Variants in GNA14 observed in about 807,000 individuals in gnomAD.
GNA14 encodes guanine nucleotide-binding protein subunit alpha-14.
Under a neutral mutation model 42.0 loss-of-function variants are expected in GNA14, and 50 were observed. The observed-to-expected ratio is 1.19, with a 90% CI of 0.95 to 1.51. The LOEUF (loss-of-function observed/expected upper bound fraction) is 1.51. GNA14 is among the 40% of genes most tolerant of loss of function. The probability of loss-of-function intolerance (pLI) is 0.00; values close to 1 mark genes in which losing one functional copy is unlikely to be tolerated. For synonymous variants in GNA14, 173 were observed against 163.1 expected (o/e 1.06, Z -0.46); for missense variants, 473 against 446.2 (o/e 1.06, Z -0.54).
intron 3 of GNA14, among the ~76,000 whole-genome samples, chr9:77,432,001 A>C (rs1317501555): frequency 6.6e-6 from 1 of 152,180 alleles, no homozygotes; most frequent in Non-Finnish European, 1.5e-5. Flanking sequence ...GGGAAACTAC[A>C]TCTCCTAAAA....
intron 2 of GNA14, among the ~76,000 whole-genome samples, chr9:77,461,520 A>C (rs992074570): frequency 6.6e-6 from 1 of 152,138 alleles, no homozygotes; most frequent in Admixed American, 6.5e-5. Flanking sequence ...GTGGGATTCC[A>C]TTTTTTATTC....
chr9:77,475,795 T>C (rs1836409628), intron 2 of GNA14, among the ~76,000 whole-genome samples: 1 of 152,186 alleles, frequency 6.6e-6, no homozygotes, highest in African/African-American at 2.4e-5. Flanking sequence ...ATGCTGCCCT[T>C]GTTCAACAGA....
intron 1 of GNA14, 126 bp downstream of exon 1, chr9:77,647,544 G>T (rs1018064446): frequency 1.1e-5 from 12 of 1,072,472 alleles, no homozygotes; most frequent in Non-Finnish European, 1.3e-5. Flanking sequence ...GAGCTCCGAG[G>T]GGGAGAAGGA....
intron 1 of GNA14, among the ~76,000 whole-genome samples, chr9:77,617,346 C>T (rs1433231741): frequency 6.6e-6 from 1 of 152,122 alleles, no homozygotes; most frequent in African/African-American, 2.4e-5. Flanking sequence ...TACCAAGGAC[C>T]CAGTTGCCTG....
intron 2 of GNA14, among the ~76,000 whole-genome samples, chr9:77,463,779 G>GAT (rs3052361): frequency 0.17 from 25,370 of 152,030 alleles, 6,310 homozygotes; most frequent in African/African-American, 0.54. Flanking sequence ...GAAATATTGG[G>GAT]ATAGGAGAGC....
chr9:77,620,101 T>TGC (rs1008199797), intron 1 of GNA14, among the ~76,000 whole-genome samples: 22 of 151,634 alleles, frequency 1.5e-4, no homozygotes, highest in South Asian at 6.2e-4. Context: ...CACACACACG[T>TGC]GCACACACAC....
intron 1 of GNA14, among the ~76,000 whole-genome samples, chr9:77,629,841 C>A (rs1244919086): frequency 2.6e-5 from 4 of 152,146 alleles, no homozygotes; most frequent in Admixed American, 2.6e-4. Context: ...AACAAACCTG[C>A]ACGTTCTGCA....
At chr9:77,587,559 C>CATATT (rs140404571) in intron 1 of GNA14, among the ~76,000 whole-genome samples, 11,666 of 152,118 alleles carry the variant, frequency 0.077, 1,489 homozygotes, top group African/African-American at 0.27. Flanking sequence ...GCAAAAGTCA[C>CATATT]ATAAGATTGG....
chr9:77,458,528 T>A (rs1461930891), intron 2 of GNA14, among the ~76,000 whole-genome samples: 1 of 152,174 alleles, frequency 6.6e-6, no homozygotes, highest in African/African-American at 2.4e-5. Context: ...CTCATCAGAA[T>A]ATGGTTGCCA....
At chr9:77,429,095 A>C in intron 4 of GNA14, 59 bp from the exon 5 acceptor site, 2 of 1,550,630 alleles carry the variant, frequency 1.3e-6, no homozygotes, top group African/African-American at 1.4e-5. Flanking sequence ...TCGGGGAAAA[A>C]GGACATGAAT....
At chr9:77,464,647 T>G (rs1052552253) in intron 2 of GNA14, among the ~76,000 whole-genome samples, 2 of 152,144 alleles carry the variant, frequency 1.3e-5, no homozygotes, top group African/African-American at 2.4e-5. Context: ...CCACCATCAT[T>G]ATGATCAATG....
chr9:77,575,682 T>G (rs150953513), intron 1 of GNA14, among the ~76,000 whole-genome samples: 1 of 152,190 alleles, frequency 6.6e-6, no homozygotes, highest in African/African-American at 2.4e-5. Context: ...GGTTGACAAG[T>G]TCTATTTTAG....
At chr9:77,627,513 A>G (rs2117994125) in intron 1 of GNA14, among the ~76,000 whole-genome samples, 1 of 152,310 alleles carries the variant, frequency 6.6e-6, no homozygotes, top group African/African-American at 2.4e-5. Context: ...TGGCAAACTG[A>G]ATCCAGCAGC....
rs10537760 is a variant in GNA14, at chr9:77,469,365, TAAAAAAAA to T, written c.310-34851_310-34844del. Reference sequence around the variant, plus strand: ...GAATTAGTCCTAGGATAAACTGTGTTAAAAAAAAAAAAAAAAAAAAAAAGAACTTTCCA... The same window carrying T: ...GAATTAGTCCTAGGATAAACTGTGTTAAAAAAAAAAAAAAAGAACTTTCCA... On this transcript the variant is annotated intron_variant, in intron 2 of 6. Coordinates refer to ENST00000341700, the MANE Select transcript of GNA14 (RefSeq NM_004297.4). Among the ~76,000 whole-genome samples the T allele has an allele frequency of 4.2e-4, 49 of 116,920 alleles. 1 individual carries two copies. The East Asian group carries it at 0.011, about 25-fold the overall frequency. The allele number at this position is 116,920 out of a possible 152,430, so 76.7% of individuals were successfully genotyped here.
At chr9:77,514,758 C>T (rs1448227539) in intron 2 of GNA14, among the ~76,000 whole-genome samples, 8 of 151,882 alleles carry the variant, frequency 5.3e-5, no homozygotes, top group African/African-American at 1.2e-4. Context: ...GGACTACAGG[C>T]GTCTGCCACC....
intron 2 of GNA14, among the ~76,000 whole-genome samples, chr9:77,444,887 G>A (rs894517572): frequency 2.0e-5 from 3 of 152,184 alleles, no homozygotes; most frequent in African/African-American, 7.2e-5. Context: ...AGGCAGACTC[G>A]TTCACCACTC....
At chr9:77,490,896 G>A (rs569615981) in intron 2 of GNA14, among the ~76,000 whole-genome samples, 4 of 152,358 alleles carry the variant, frequency 2.6e-5, no homozygotes, top group African/African-American at 7.2e-5. Context: ...CAGAGGAGGC[G>A]CCGAGAGCGA....
intron 1 of GNA14, among the ~76,000 whole-genome samples, chr9:77,544,419 T>G (rs1341561468): frequency 6.6e-6 from 1 of 152,098 alleles, no homozygotes; most frequent in East Asian, 1.9e-4. Context: ...GAAGGGTCAG[T>G]AGGTTGGGCA....
chr9:77,530,517 C>T (rs1837510720), intron 1 of GNA14, among the ~76,000 whole-genome samples: 1 of 152,146 alleles, frequency 6.6e-6, no homozygotes, highest in African/African-American at 2.4e-5. Flanking sequence ...AATGTGAAAA[C>T]AGACGAATAC....
Sources: gnomAD v4.1 joint callset for allele counts (sites outside exome capture counted in the v4.1 genomes callset) on GRCh38, gnomAD v4.1.1 for gene constraint, MANE v1.5 for transcripts, NCBI Gene and HGNC (gene_info 2026-07-23, HGNC 2026-07-21) for gene names.